Variants in FGF9 observed in about 807,000 individuals in gnomAD.
The protein encoded by FGF9 is fibroblast growth factor 9 (glia-activating factor).
In FGF9, 3 loss-of-function variants were observed where a neutral mutation model predicts 19.9. The observed-to-expected ratio is 0.15, with a 90% CI of 0.07 to 0.39. The LOEUF (loss-of-function observed/expected upper bound fraction) is 0.39, where lower values mean the gene tolerates loss of function less well. Ranked by LOEUF, FGF9 falls within the 10% of genes least tolerant of loss-of-function variation. FGF9 has a pLI of 1.00. For missense variants in FGF9, 175 were observed against 256.8 expected (o/e 0.68, Z 2.18); for synonymous variants, 107 against 106.9 (o/e 1.00, Z -0.01).
chr13:21,685,493 T>C (rs1316488974), intron 2 of FGF9, among the ~76,000 whole-genome samples: 2 of 152,230 alleles, frequency 1.3e-5, no homozygotes, highest in African/African-American at 4.8e-5. Flanking sequence ...AAAAACTATA[T>C]TGCTAATGAG....
chr13:21,692,800 TA>T (rs1375648334), intron 2 of FGF9, among the ~76,000 whole-genome samples: 9 of 152,118 alleles, frequency 5.9e-5, no homozygotes, highest in African/African-American at 2.2e-4. Context: ...CGAAGATAAA[TA>T]AAAAATTTCC....
intron 2 of FGF9, among the ~76,000 whole-genome samples, chr13:21,697,308 C>T (rs1284099555): frequency 6.6e-6 from 1 of 152,070 alleles, no homozygotes; most frequent in Non-Finnish European, 1.5e-5. Flanking sequence ...ACCACCATGC[C>T]CAGCTAATTT....
intron 2 of FGF9, among the ~76,000 whole-genome samples, chr13:21,689,360 G>T (rs931748960): frequency 2.0e-5 from 3 of 152,156 alleles, no homozygotes; most frequent in Admixed American, 6.5e-5. Flanking sequence ...CCATGGTCCT[G>T]CCAGTGCTTA....
rs77262273 is a variant in FGF9, at chr13:21,676,524, T to G, written c.277+4335T>G. Among the ~76,000 whole-genome samples the G allele has an allele frequency of 1.8e-3, 268 of 152,300 alleles. 3 individuals are homozygous for G. In the East Asian group the frequency reaches 0.043, roughly 25 times the overall value. On this transcript the variant is annotated intron_variant, in intron 1 of 2. Transcript: ENST00000382353. ...GTTATAACTCCCATTCAGTTAGTCA[T>G]TTCCTATATAAACTCTATGAGATGT...
rs1316072917 is a variant in FGF9 at position 21,691,647 on chromosome 13, C to G, written c.382-9543C>G. Among the ~76,000 whole-genome samples the G allele has an allele frequency of 6.6e-6, 1 of 152,210 alleles. No homozygotes were observed. The highest frequency in any genetic ancestry group is 1.5e-5 in the Non-Finnish European group (1 of 68,038). ...TTCAGCGTCCTGGCCCGAGAGATGC[C>G]CTCCATCCTTACAAAGTGGAGTGGG... On this transcript the variant is annotated intron_variant, in intron 2 of 2. Coordinates refer to ENST00000382353, the MANE Select transcript of FGF9 (RefSeq NM_002010.3). This position sits in a 1 kb window ranked among gnomAD's most constrained non-coding sequence, Gnocchi z 4.2.
intron 2 of FGF9, among the ~76,000 whole-genome samples, chr13:21,682,271 C>T (rs911336920): frequency 1.3e-5 from 2 of 151,916 alleles, no homozygotes; most frequent in African/African-American, 4.8e-5. Flanking sequence ...CCTTGGTCTC[C>T]CAAAGTAACT....
intron 2 of FGF9, among the ~76,000 whole-genome samples, chr13:21,695,169 C>A (rs773635832): frequency 2.0e-5 from 3 of 151,830 alleles, no homozygotes; most frequent in Non-Finnish European, 4.4e-5. Context: ...CAAATATTGA[C>A]GTAAGCAGCT....
At chr13:21,674,963 A>T (rs1462034344) in intron 1 of FGF9, among the ~76,000 whole-genome samples, 1 of 144,226 alleles carries the variant, frequency 6.9e-6, no homozygotes. Context: ...GTTGTCAGGG[A>T]AGTGGCATCT....
intron 2 of FGF9, among the ~76,000 whole-genome samples, chr13:21,699,029 G>A (rs1872479828): frequency 6.6e-6 from 1 of 152,220 alleles, no homozygotes; most frequent in African/African-American, 2.4e-5. Context: ...AGCCATTAAT[G>A]TCTTTAACAC....
chr13:21,676,772 A>T (rs1237770286), intron 1 of FGF9, among the ~76,000 whole-genome samples: 1 of 152,258 alleles, frequency 6.6e-6, no homozygotes, highest in Non-Finnish European at 1.5e-5. Flanking sequence ...CTTAAGCCAG[A>T]GAACCATGTC....
At position 21,701,293 on chromosome 13, in the gene FGF9, A is replaced by G; in HGVS notation, c.485A>G (p.Tyr162Cys). ...AAGCACGTGGACACTGGAAGGCGAT[A>G]CTATGTTGCATTAAATAAAGATGGG... ...LYKHVDTGRR[Y>C]YVALNKDGTP... is the part of the protein sequence containing the mutation. The change falls in exon 3 of 3, where the codon TAC becomes TGC. Residue 162 changes from tyrosine (Y) to cysteine (C), a missense_variant. By Grantham distance (194) the Tyr-to-Cys change is radical. This residue lies in a region of FGF9 where 101 missense variants were observed against 160.7 expected (regional missense o/e 0.63). Transcript: ENST00000382353. The G allele has an allele frequency of 6.2e-7, 1 of 1,614,158 alleles. No individual in the cohort carries two copies. The highest frequency in any genetic ancestry group is 8.5e-7 in the Non-Finnish European group (1 of 1,180,010).
Position 21,701,381 on chromosome 13 carries a change from A to G in FGF9, c.573A>G (p.Pro191=). 6 of 1,614,094 alleles carry G rather than the reference A, an allele frequency of 3.7e-6. No homozygotes were observed. The highest frequency in any genetic ancestry group is 4.5e-5 in the East Asian group (2 of 44,884). The change falls in exon 3 of 3, where the codon CCA becomes CCG. Residue 191 remains proline (P), a synonymous_variant. Transcript: ENST00000382353. ...AATTCACACATTTTTTACCTAGACC[A>G]GTGGACCCCGACAAAGTACCTGAAC... ...HQKFTHFLPR[P]VDPDKVPELY... is the part of the protein sequence containing the mutation.
Position 21,701,553 on chromosome 13 carries a change from C to A in FGF9, c.*118C>A. 7.2e-7 allele frequency: 1 copy of A among 1,385,834 alleles called. No individual in the cohort carries two copies. The highest frequency in any genetic ancestry group is 1.2e-5 in the South Asian group (1 of 84,554). The allele number at this position is 1,385,834 out of a possible 1,614,324, so 85.8% of individuals were successfully genotyped here. ...CAGCTCCACTGTTGCCAAACTTTGT[C>A]GCATGCATAATGTATGATGGAGGCT... On this transcript the variant is annotated 3_prime_UTR_variant, in exon 3 of 3. Transcript: ENST00000382353.
In FGF9 at chr13:21,701,444, G is replaced by A. The variant is rs9509842; in HGVS notation, c.*9G>A. 1,608,786 of 1,614,032 alleles carry A rather than the reference G, an allele frequency of 1. 801,929 individuals are homozygous for A. Among genetic ancestry groups the A allele is most frequent in the East Asian group, 1 (44,867 of 44,868 alleles). On this transcript the variant is annotated 3_prime_UTR_variant, in exon 3 of 3. Transcript: ENST00000382353. ...TTCTAAGCCAAAGTTGACAAAGACA[G>A]TTTCTTCACTTGAGCCCTTAAAAAA...
intron 2 of FGF9, chr13:21,681,366 C>A (rs1372526480): frequency 7.1e-6 from 3 of 425,366 alleles, no homozygotes; most frequent in African/African-American, 3.9e-5. Context: ...ATTTATATGC[C>A]AAACCATCTT....
intron 2 of FGF9, among the ~76,000 whole-genome samples, chr13:21,693,283 G>A (rs1467075705): frequency 6.6e-6 from 1 of 152,120 alleles, no homozygotes; most frequent in Non-Finnish European, 1.5e-5. Flanking sequence ...TATAGTGGGG[G>A]CTAGGAGTTG....
intron 1 of FGF9, among the ~76,000 whole-genome samples, chr13:21,674,931 C>G (rs1340588197): frequency 1.3e-5 from 2 of 151,102 alleles, no homozygotes; most frequent in Non-Finnish European, 2.9e-5. Flanking sequence ...AGACCCCTCA[C>G]CCCTAGAGGT....
chr13:21,689,817 T>C (rs1402223294), intron 2 of FGF9, among the ~76,000 whole-genome samples: 1 of 152,172 alleles, frequency 6.6e-6, no homozygotes, highest in Non-Finnish European at 1.5e-5. Flanking sequence ...CTGATCAGCT[T>C]GTAAGTTAGG....
intron 1 of FGF9, among the ~76,000 whole-genome samples, chr13:21,675,366 C>T (rs917637576): frequency 6.6e-6 from 1 of 152,130 alleles, no homozygotes; most frequent in Non-Finnish European, 1.5e-5. Flanking sequence ...TATTAGCAAC[C>T]TCCGCAGAGC....
Sources: gnomAD v4.1 joint callset for allele counts (sites outside exome capture counted in the v4.1 genomes callset) on GRCh38, gnomAD v4.1.1 for gene constraint, gnomAD v4.1.1 regional missense constraint, Gnocchi (gnomAD v3.1) non-coding constraint, MANE v1.5 for transcripts, NCBI Gene and HGNC (gene_info 2026-07-23, HGNC 2026-07-21) for gene names.